FBXO28: variants seen among roughly 807,000 people sequenced by gnomAD.
The protein encoded by FBXO28 is F-box protein 28.
Under a neutral mutation model 38.1 loss-of-function variants are expected in FBXO28, and 8 were observed. The ratio of observed to expected loss-of-function variants is 0.21; its 90% confidence interval spans 0.12 to 0.38. The LOEUF (loss-of-function observed/expected upper bound fraction) is 0.38. Ranked by LOEUF, FBXO28 falls within the 10% of genes least tolerant of loss-of-function variation. The pLI is 1.00. For synonymous variants in FBXO28, 168 were observed against 173.8 expected, an observed-to-expected ratio of 0.97 and a Z score of 0.26; for missense variants, 345 against 460.6, an observed-to-expected ratio of 0.75 and a Z score of 2.30.
Position 224,125,466 on chromosome 1 carries a change from A to T in FBXO28, c.268-5006A>T, listed in dbSNP as rs531969597. Among the ~76,000 whole-genome samples the T allele has an allele frequency of 2.0e-4, 31 of 151,704 alleles. No homozygotes were observed. The South Asian group carries it at 6.5e-3, about 32-fold the overall frequency. On this transcript the variant is annotated intron_variant, in intron 1 of 4. Transcript: ENST00000366862. ...TTTGGGGTTCATGTACATTTATTTC[A>T]CTATCTCCAGTGAAATTTCCAGAAC...
At chr1:224,116,527 T>C (rs1035674669) in intron 1 of FBXO28, among the ~76,000 whole-genome samples, 3 of 152,220 alleles carry the variant, frequency 2.0e-5, no homozygotes, top group African/African-American at 7.2e-5. Context: ...GAATTAAGGC[T>C]GGATATGCTT....
At chr1:224,133,317 T>C (rs893138619) in intron 2 of FBXO28, among the ~76,000 whole-genome samples, 12 of 152,312 alleles carry the variant, frequency 7.9e-5, no homozygotes, top group African/African-American at 2.9e-4. Context: ...GTGAGTATAC[T>C]AAACACCACT....
At chr1:224,141,171 G>A (rs1432227927) in intron 3 of FBXO28, among the ~76,000 whole-genome samples, 1 of 151,032 alleles carries the variant, frequency 6.6e-6, no homozygotes, top group East Asian at 2.0e-4. Context: ...AAGACATAGT[G>A]GGGAAAAAAA....
At chr1:224,131,926 C>T (rs939991792) in intron 2 of FBXO28, among the ~76,000 whole-genome samples, 1 of 152,142 alleles carries the variant, frequency 6.6e-6, no homozygotes, top group Non-Finnish European at 1.5e-5. Context: ...ATATGAGGAA[C>T]TCTTACAACT....
At chr1:224,137,572 T>G (rs1157954744) in intron 3 of FBXO28, among the ~76,000 whole-genome samples, 2 of 150,890 alleles carry the variant, frequency 1.3e-5, no homozygotes, top group Non-Finnish European at 2.9e-5. Flanking sequence ...ACAAGAATGG[T>G]GAGATTAGGG....
chr1:224,144,110 C>T (rs1055052153), intron 3 of FBXO28, among the ~76,000 whole-genome samples: 2 of 148,672 alleles, frequency 1.3e-5, no homozygotes, highest in African/African-American at 2.5e-5. Context: ...GCTGAGGTTG[C>T]GCCACTGTAC....
intron 4 of FBXO28, among the ~76,000 whole-genome samples, chr1:224,157,062 A>G (rs1451752257): frequency 2.0e-5 from 3 of 152,114 alleles, no homozygotes; most frequent in Admixed American, 6.6e-5. Flanking sequence ...ACTAGGTTCT[A>G]AAAATATTGT....
chr1:224,131,702 G>C (rs1289038276), intron 2 of FBXO28, among the ~76,000 whole-genome samples: 1 of 152,120 alleles, frequency 6.6e-6, no homozygotes, highest in East Asian at 1.9e-4. Context: ...GTAAATGTCA[G>C]CACTATACTA....
chr1:224,134,112 A>C lies in FBXO28; in HGVS notation c.416A>C (p.His139Pro). 1 of 1,606,670 alleles carries C rather than the reference A, an allele frequency of 6.2e-7. No individual in the cohort carries two copies. The highest frequency in any genetic ancestry group is 8.5e-7 in the Non-Finnish European group (1 of 1,176,684). Residue 139 changes from histidine (H) to proline (P), a missense_variant, in exon 3 of 5, where the codon CAT becomes CCT. His to Pro is a moderately conservative substitution (Grantham distance 77, BLOSUM62 -2). Transcript: ENST00000366862. ...AGGAGAAACCATTCATTAGCTCGTCATGCAGACATTCTTGCTGCTGTTGAA... is the reference window on the plus strand; with the variant it reads ...AGGAGAAACCATTCATTAGCTCGTCCTGCAGACATTCTTGCTGCTGTTGAA... ...SERRNHSLAR[H>P]ADILAAVETR...
chr1:224,137,590 C>T (rs1657227042), intron 3 of FBXO28, among the ~76,000 whole-genome samples: 2 of 151,698 alleles, frequency 1.3e-5, no homozygotes, highest in South Asian at 4.1e-4. Context: ...GGGGAGAAGA[C>T]AGTAGCAATA....
At chr1:224,136,312 T>G (rs951984341) in intron 3 of FBXO28, among the ~76,000 whole-genome samples, 2 of 152,024 alleles carry the variant, frequency 1.3e-5, no homozygotes, top group African/African-American at 4.8e-5. Flanking sequence ...AATTTCCACA[T>G]GCTGAAGTAA....
chr1:224,140,945 C>CAA (rs33940975), intron 3 of FBXO28, among the ~76,000 whole-genome samples: 71,850 of 143,794 alleles, frequency 0.5, 18,989 homozygotes, highest in South Asian at 0.6. Context: ...GATTCTGTCT[C>CAA]AAAAAAAAAA....
chr1:224,114,452 T>G (rs975386428), intron 1 of FBXO28, 56 bp downstream of exon 1: 11 of 1,422,650 alleles, frequency 7.7e-6, no homozygotes, highest in South Asian at 4.2e-5. Flanking sequence ...GTCTGGGAGA[T>G]GAGAAGGGAG....
chr1:224,151,770 TG>T (rs1186262310), intron 3 of FBXO28, among the ~76,000 whole-genome samples: 1 of 152,096 alleles, frequency 6.6e-6, no homozygotes, highest in Non-Finnish European at 1.5e-5. Flanking sequence ...AGGTCGGGCA[TG>T]GTGGCTCACA....
At position 224,153,168 on chromosome 1, in the gene FBXO28, G is replaced by C. The variant is rs774097452; in HGVS notation, c.543G>C (p.Leu181Phe). ...GKVIDEIYRV[L>F]RYVNSTRAPQ... ...TGATTGATGAGATTTATCGTGTGTT[G>C]AGATATGTCAATTCTACCAGAGCCC... Residue 181 changes from leucine (L) to phenylalanine (F), a missense_variant, in exon 4 of 5, where the codon TTG becomes TTC. Around this residue, in one of 6 missense-constraint regions of FBXO28, gnomAD observed 24 missense variants for 24.6 expected, o/e 0.98. Transcript: ENST00000366862. 6.2e-7 allele frequency: 1 copy of C among 1,606,934 alleles called. No homozygotes were observed. Among genetic ancestry groups the C allele is most frequent in the Non-Finnish European group, 8.5e-7 (1 of 1,178,104 alleles).
At chr1:224,133,767 T>C (rs1334058567) in intron 2 of FBXO28, among the ~76,000 whole-genome samples, 2 of 151,946 alleles carry the variant, frequency 1.3e-5, no homozygotes, top group African/African-American at 4.8e-5. Context: ...CGCCTCAGCC[T>C]CCTAAAGTGC....
chr1:224,114,564 A>C (rs1656599247), intron 1 of FBXO28, among the ~76,000 whole-genome samples, 168 bp downstream of exon 1: 2 of 84,550 alleles, frequency 2.4e-5, no homozygotes, highest in African/African-American at 8.6e-5. Context: ...AGTCAGCAGG[A>C]GTGGGCTGGT....
intron 1 of FBXO28, among the ~76,000 whole-genome samples, chr1:224,123,248 T>A (rs1464687330): frequency 6.6e-6 from 1 of 151,978 alleles, no homozygotes; most frequent in African/African-American, 2.4e-5. Context: ...GAATACATTT[T>A]AAAACTGGGT....
chr1:224,153,958 C>T (rs972665670), intron 4 of FBXO28, among the ~76,000 whole-genome samples: 37 of 151,836 alleles, frequency 2.4e-4, no homozygotes, highest in African/African-American at 6.5e-4. Context: ...CTGGACCAGG[C>T]GCAGTGGCCC....
Sources: gnomAD v4.1 joint callset for allele counts (sites outside exome capture counted in the v4.1 genomes callset) on GRCh38, gnomAD v4.1.1 for gene constraint, gnomAD v4.1.1 regional missense constraint, MANE v1.5 for transcripts, NCBI Gene and HGNC (gene_info 2026-07-23, HGNC 2026-07-21) for gene names.